The following NBEA variants were observed in gnomAD, a reference collection of about 807,000 sequenced individuals.
The protein encoded by NBEA is neurobeachin.
NBEA carries 44 observed loss-of-function variants against 343.4 expected under a neutral mutation model. That is an observed-to-expected ratio of 0.13 (90% confidence interval 0.10 to 0.16). The LOEUF (loss-of-function observed/expected upper bound fraction) is 0.16. NBEA is among the 10% of genes least tolerant of loss of function. The pLI is 1.00. For missense variants in NBEA, 2,555 were observed against 3,631.3 expected (o/e 0.70, Z 7.62); for synonymous variants, 1,175 against 1,238.7 (o/e 0.95, Z 1.08).
At chr13:35,208,612 G>T (rs1466899548) in intron 31 of NBEA, 88 bp from the exon 32 acceptor site, 50 of 1,153,740 alleles carry the variant, frequency 4.3e-5, no homozygotes, top group Non-Finnish European at 5.2e-5. Flanking sequence ...GGAGAAATTC[G>T]ATGTTGACTA....
chr13:35,053,144 A>G (rs997075870), intron 6 of NBEA, among the ~76,000 whole-genome samples: 1 of 151,966 alleles, frequency 6.6e-6, no homozygotes, highest in Non-Finnish European at 1.5e-5. Flanking sequence ...TCACCTCCAC[A>G]TTGCTGCCAG....
chr13:35,015,797 C>T (rs995068100), intron 1 of NBEA, among the ~76,000 whole-genome samples: 5 of 152,020 alleles, frequency 3.3e-5, no homozygotes, highest in African/African-American at 1.2e-4. Context: ...TAAAAATACT[C>T]TCTTCAGTGT....
intron 36 of NBEA, among the ~76,000 whole-genome samples, chr13:35,326,211 A>G (rs944357864): frequency 6.6e-6 from 1 of 152,128 alleles, no homozygotes; most frequent in Non-Finnish European, 1.5e-5. Context: ...TTTGATAGGA[A>G]TAGTGTTGAA....
intron 39 of NBEA, among the ~76,000 whole-genome samples, chr13:35,447,501 T>C (rs1335588524): frequency 2.0e-5 from 3 of 151,946 alleles, no homozygotes; most frequent in Non-Finnish European, 4.4e-5. Flanking sequence ...TATATATATA[T>C]ATATTTACTA....
Position 35,667,459 on chromosome 13 carries a change from A to G in NBEA, c.8550A>G (p.Ile2850Met). ...GPENCLFPRLISVSSEGHCII... is the reference protein window; with the variant it reads ...GPENCLFPRLMSVSSEGHCII... ...AAAACTGCTTATTCCCACGCTTGAT[A>G]TCTGTCTCCAGCGAAGGCCACTGTA... is the stretch of plus-strand genomic sequence containing the variant. The change falls in exon 57 of 59, where the codon ATA becomes ATG. Residue 2850 changes from isoleucine (I) to methionine (M), a missense_variant. Physicochemically the swap from Ile to Met is conservative, Grantham distance 10. Coordinates refer to ENST00000379939, the MANE Select transcript of NBEA (RefSeq NM_001385012.1). 1 of 1,613,988 alleles carries G rather than the reference A, an allele frequency of 6.2e-7. No individual in the cohort carries two copies. The highest frequency in any genetic ancestry group is 8.5e-7 in the Non-Finnish European group (1 of 1,179,862).
At chr13:35,635,076 A>G (rs2153069580) in intron 49 of NBEA, among the ~76,000 whole-genome samples, 1 of 152,332 alleles carries the variant, frequency 6.6e-6, no homozygotes, top group Non-Finnish European at 1.5e-5. Context: ...ACAAAAAATT[A>G]ACACACTTTT....
intron 38 of NBEA, among the ~76,000 whole-genome samples, chr13:35,374,984 T>C (rs2041656862): frequency 1.3e-5 from 2 of 152,268 alleles, no homozygotes; most frequent in African/African-American, 4.8e-5. Context: ...CATTTGTAAA[T>C]GTTTTCCAAG....
At chr13:35,655,798 T>A in intron 55 of NBEA, 49 bp downstream of exon 55, 1 of 1,516,366 alleles carries the variant, frequency 6.6e-7, no homozygotes, top group Non-Finnish European at 8.9e-7. Flanking sequence ...TTTATTTAAA[T>A]ATATTTTGCC....
At chr13:35,442,291 G>A (rs1035230643) in intron 39 of NBEA, among the ~76,000 whole-genome samples, 1 of 152,072 alleles carries the variant, frequency 6.6e-6, no homozygotes, top group African/African-American at 2.4e-5. Flanking sequence ...TATTTAGAGA[G>A]TTCCAAAAAG....
chr13:35,376,536 G>A (rs1045060246), intron 38 of NBEA, among the ~76,000 whole-genome samples: 6 of 152,218 alleles, frequency 3.9e-5, no homozygotes, highest in Admixed American at 3.9e-4. Context: ...ATACTTTGGT[G>A]TCATGATGCC....
intron 38 of NBEA, among the ~76,000 whole-genome samples, chr13:35,384,031 T>C (rs200944960): frequency 1.3e-3 from 203 of 152,202 alleles, no homozygotes; most frequent in African/African-American, 4.7e-3. Flanking sequence ...GCACAAGTGA[T>C]TTCTAGAACT....
chr13:35,330,272 A>T (rs1370995585), intron 36 of NBEA, among the ~76,000 whole-genome samples: 1 of 152,076 alleles, frequency 6.6e-6, no homozygotes, highest in Non-Finnish European at 1.5e-5. Context: ...CTATTAAGTA[A>T]TCAGTTCTCA....
At chr13:35,184,925 A>G (rs1233645289) in intron 30 of NBEA, among the ~76,000 whole-genome samples, 2 of 152,128 alleles carry the variant, frequency 1.3e-5, no homozygotes, top group African/African-American at 4.8e-5. Flanking sequence ...GATGATAAAT[A>G]TGATGGTGTT....
chr13:35,279,322 G>A (rs1357546877), intron 34 of NBEA, among the ~76,000 whole-genome samples: 1 of 152,068 alleles, frequency 6.6e-6, no homozygotes, highest in Admixed American at 6.5e-5. Context: ...GAAATTTAGT[G>A]TCAAGAATGT....
intron 41 of NBEA, among the ~76,000 whole-genome samples, chr13:35,485,357 GA>G (rs1164360542): frequency 6.6e-6 from 1 of 151,926 alleles, no homozygotes; most frequent in African/African-American, 2.4e-5. Context: ...CACTCTGCTG[GA>G]GCTGTTAGGG....
intron 48 of NBEA, among the ~76,000 whole-genome samples, chr13:35,615,612 T>A (rs2153057171): frequency 6.6e-6 from 1 of 152,274 alleles, no homozygotes; most frequent in South Asian, 2.1e-4. Flanking sequence ...CCAAAAGTGC[T>A]GGGATTACAG....
chr13:35,543,008 T>C (rs1408566630), intron 41 of NBEA, among the ~76,000 whole-genome samples: 1 of 152,076 alleles, frequency 6.6e-6, no homozygotes, highest in South Asian at 2.1e-4. Context: ...CTGCAAAAAG[T>C]GTATATACTT....
chr13:35,013,034 C>T (rs1197829954), intron 1 of NBEA, among the ~76,000 whole-genome samples: 2 of 152,024 alleles, frequency 1.3e-5, no homozygotes, highest in Admixed American at 6.6e-5. Flanking sequence ...AGTTAATAGA[C>T]TATAAGGGGT....
intron 41 of NBEA, among the ~76,000 whole-genome samples, chr13:35,529,582 T>C (rs1318071873): frequency 1.3e-5 from 2 of 152,212 alleles, no homozygotes; most frequent in Non-Finnish European, 2.9e-5. Context: ...ACATATAACT[T>C]TACTTTGAAA....
Sources: allele counts gnomAD v4.1 joint callset (sites outside exome capture counted in the v4.1 genomes callset), GRCh38; gene constraint gnomAD v4.1.1; transcripts MANE v1.5; gene names NCBI Gene and HGNC (gene_info 2026-07-23, HGNC 2026-07-21).